The following PSMD11 variants were observed in gnomAD, a reference collection of about 807,000 sequenced individuals.
PSMD11 encodes 26S proteasome non-ATPase regulatory subunit 11.
A neutral mutation model predicts 62.3 loss-of-function variants in PSMD11; 5 were observed. That is an observed-to-expected ratio of 0.08 (90% CI 0.04 to 0.17). The LOEUF (loss-of-function observed/expected upper bound fraction) is 0.17. Among genes scored for constraint, PSMD11 ranks in the 10% least tolerant of loss-of-function variants. PSMD11 has a pLI of 1.00. For missense variants in PSMD11, 310 were observed against 512.9 expected, an observed-to-expected ratio of 0.60 and a Z score of 3.82; for synonymous variants, 191 against 191.8, an observed-to-expected ratio of 1.00 and a Z score of 0.03.
chr17:32,454,025 G>T (rs1424393078), intron 2 of PSMD11, among the ~76,000 whole-genome samples: 1 of 152,148 alleles, frequency 6.6e-6, no homozygotes, highest in Non-Finnish European at 1.5e-5. Context: ...AAAGGAATCT[G>T]GAGTAGAAAA....
At chr17:32,477,626 A>T in intron 9 of PSMD11, 43 bp downstream of exon 9, 1 of 1,515,688 alleles carries the variant, frequency 6.6e-7, no homozygotes, top group Non-Finnish European at 9.1e-7. Flanking sequence ...AGTGGAAGAG[A>T]GGGACGTTTA....
intron 1 of PSMD11, chr17:32,445,174 C>G (rs944022375): frequency 8.2e-5 from 13 of 157,702 alleles, no homozygotes; most frequent in African/African-American, 2.7e-4. Flanking sequence ...AGAGGAGGGT[C>G]TCTTTCAGAA....
Position 32,482,240 on chromosome 17 carries a change from A to G in PSMD11, c.*1488A>G, listed in dbSNP as rs554135277. The G allele has an allele frequency of 6.6e-5, 10 of 152,276 alleles. No homozygotes were observed. In the East Asian group the frequency reaches 9.6e-4, roughly 15 times the overall value. The allele number at this position is 152,276 out of a possible 1,614,324, so 9.4% of individuals were successfully genotyped here. Reference sequence around the variant, plus strand: ...CCAAAATCAGGTTTTTGTTCTCAACATCTTTCCCCATCATGTCTAGTCACT... The same window carrying G: ...CCAAAATCAGGTTTTTGTTCTCAACGTCTTTCCCCATCATGTCTAGTCACT... On this transcript the variant is annotated 3_prime_UTR_variant, in exon 14 of 14. Transcript: ENST00000261712.
chr17:32,447,342 C>A, intron 2 of PSMD11: 1 of 231,860 alleles, frequency 4.3e-6, no homozygotes, highest in Non-Finnish European at 8.3e-6. Context: ...CAACAGTCTT[C>A]AATAATTTCA....
rs372593438 is a variant in PSMD11 at position 32,464,043 on chromosome 17, T to C, written c.319-6T>C. On this transcript the variant is annotated splice_region_variant and splice_polypyrimidine_tract_variant and intron_variant, in intron 3 of 13. Transcript: ENST00000261712. ...ATGTTGCATGTACTGTCTCTCCTTA[T>C]TGCAGGTCGAGCTGTGTTTAGAGTG... The C allele has an allele frequency of 5.6e-6, 9 of 1,613,482 alleles. No homozygotes were observed. The highest frequency in any genetic ancestry group is 6.8e-6 in the Non-Finnish European group (8 of 1,179,524).
chr17:32,448,743 T>C (rs9889352), intron 2 of PSMD11, among the ~76,000 whole-genome samples: 88,127 of 151,992 alleles, frequency 0.58, 26,339 homozygotes, highest in African/African-American at 0.62. Context: ...GAAGTAGGTT[T>C]TGTTACCATT....
At chr17:32,461,841 T>C (rs1597835829) in intron 3 of PSMD11, among the ~76,000 whole-genome samples, 2 of 152,312 alleles carry the variant, frequency 1.3e-5, no homozygotes, top group South Asian at 4.1e-4. Flanking sequence ...ATTTTAGTTT[T>C]TCGTTCTGTC....
chr17:32,450,101 C>T (rs1907445055), intron 2 of PSMD11, among the ~76,000 whole-genome samples: 3 of 152,100 alleles, frequency 2.0e-5, no homozygotes, highest in Admixed American at 2.0e-4. Context: ...GCTGGAACTA[C>T]AGGCGCCCAC....
chr17:32,479,178 A>G, intron 9 of PSMD11, 73 bp from the exon 10 acceptor site: 6 of 1,568,370 alleles, frequency 3.8e-6, no homozygotes, highest in Non-Finnish European at 4.3e-6. Flanking sequence ...CCAGCAGACT[A>G]TCTAGGAAGC....
intron 2 of PSMD11, among the ~76,000 whole-genome samples, chr17:32,453,284 C>T (rs905335898): frequency 6.6e-6 from 1 of 152,066 alleles, no homozygotes; most frequent in African/African-American, 2.4e-5. Context: ...TCAGATGGAC[C>T]TAAAAGGATA....
At chr17:32,477,709 A>C (rs992402201) in intron 9 of PSMD11, 126 bp downstream of exon 9, 2 of 738,776 alleles carry the variant, frequency 2.7e-6, no homozygotes, top group Non-Finnish European at 4.2e-6. Flanking sequence ...TGTATCCTTC[A>C]CCTAGGACAG....
intron 2 of PSMD11, among the ~76,000 whole-genome samples, chr17:32,450,422 A>ATTTTTT (rs58292122): frequency 3.9e-5 from 5 of 129,538 alleles, no homozygotes; most frequent in Non-Finnish European, 3.2e-5. Flanking sequence ...TGCTCGGCTA[A>ATTTTTT]TTTTTTTTTT....
Position 32,482,382 on chromosome 17 carries a change from G to A in PSMD11, c.*1630G>A, listed in dbSNP as rs1030066067. On this transcript the variant is annotated 3_prime_UTR_variant, in exon 14 of 14. Transcript: ENST00000261712. ...AAATAATTTTTTTTTTTTTCAAAAG[G>A]TGTCTTTTTCTTGAGTGCTGGAGGG... 1 of 151,510 alleles carries A rather than the reference G, an allele frequency of 6.6e-6. No individual in the cohort carries two copies. Among genetic ancestry groups the A allele is most frequent in the African/African-American group, 2.4e-5 (1 of 41,242 alleles). The allele number at this position is 151,510 out of a possible 1,614,324, so 9.4% of individuals were successfully genotyped here.
rs1415680049 is a variant in PSMD11, at chr17:32,474,746, G to A, written c.789-18G>A. On this transcript the variant is annotated intron_variant, in intron 7 of 13. Coordinates refer to ENST00000261712, the MANE Select transcript of PSMD11 (RefSeq NM_002815.4). ...CATAACATCTGCAGCAATTGACCAA[G>A]TATGTCTTTTTTTCTAGCCCAGAAG... is the stretch of plus-strand genomic sequence containing the variant. 6.2e-6 allele frequency: 10 copies of A among 1,613,492 alleles called. No individual in the cohort carries two copies. The highest frequency in any genetic ancestry group is 1.1e-5 in the South Asian group (1 of 91,078).
chr17:32,480,705 G>T, intron 13 of PSMD11, 48 bp from the exon 14 acceptor site: 6 of 1,538,310 alleles, frequency 3.9e-6, no homozygotes, highest in Non-Finnish European at 4.5e-6. Flanking sequence ...ACCTCCTCCT[G>T]GTGTCCTCAT....
At chr17:32,474,494 A>G (rs909027809) in intron 7 of PSMD11, among the ~76,000 whole-genome samples, 9 of 152,216 alleles carry the variant, frequency 5.9e-5, no homozygotes, top group Admixed American at 2.0e-4. Context: ...TTAAACTTAT[A>G]GTTCTGCTTG....
At chr17:32,466,389 G>C (rs1907994096) in intron 5 of PSMD11, among the ~76,000 whole-genome samples, 1 of 152,178 alleles carries the variant, frequency 6.6e-6, no homozygotes, top group Non-Finnish European at 1.5e-5. Context: ...AGATTTGTCT[G>C]TTCTGGGTAT....
Position 32,469,240 on chromosome 17 carries a change from T to A in PSMD11, c.643+47T>A, listed in dbSNP as rs1428477210. 3 of 1,562,216 alleles carry A rather than the reference T, an allele frequency of 1.9e-6. No homozygotes were observed. In the African/African-American group the frequency reaches 4.1e-5, roughly 21 times the overall value. ...GGGATGTGTTTTCTTAAAGCTCATC[T>A]TATTTTATAGGTGGAAGGAATGGGG... On this transcript the variant is annotated intron_variant, in intron 6 of 13. Coordinates refer to ENST00000261712, the MANE Select transcript of PSMD11 (RefSeq NM_002815.4).
intron 3 of PSMD11, among the ~76,000 whole-genome samples, chr17:32,461,842 T>C (rs1039411760): frequency 5.3e-5 from 8 of 152,314 alleles, no homozygotes; most frequent in African/African-American, 1.7e-4. Flanking sequence ...TTTTAGTTTT[T>C]CGTTCTGTCT....
Sources: allele counts gnomAD v4.1 joint callset (sites outside exome capture counted in the v4.1 genomes callset), GRCh38; gene constraint gnomAD v4.1.1; transcripts MANE v1.5; gene names NCBI Gene and HGNC (gene_info 2026-07-23, HGNC 2026-07-21).